GNB5: variants seen among roughly 807,000 people sequenced by gnomAD.
The protein encoded by GNB5 is guanine nucleotide-binding protein subunit beta-5.
Under a neutral mutation model 55.3 loss-of-function variants are expected in GNB5, and 37 were observed. The ratio of observed to expected loss-of-function variants is 0.67; its 90% CI spans 0.51 to 0.88. GNB5 has a LOEUF of 0.88. Ranked by LOEUF, GNB5 falls within the 40% of genes least tolerant of loss-of-function variation. GNB5 has a pLI of 0.00. For synonymous variants in GNB5, 219 were observed against 198.5 expected (o/e 1.10, Z -0.87); for missense variants, 476 against 515.3 (o/e 0.92, Z 0.74).
At chr15:52,185,612 G>A (rs7164508) in intron 1 of GNB5, among the ~76,000 whole-genome samples, 20,083 of 152,044 alleles carry the variant, frequency 0.13, 1,683 homozygotes, top group Admixed American at 0.25. Flanking sequence ...CAGACAAGAC[G>A]CGAGGAAGTC....
chr15:52,147,162 T>C, intron 6 of GNB5: 1 of 250,430 alleles, frequency 4.0e-6, no homozygotes, highest in Non-Finnish European at 7.7e-6. Flanking sequence ...AGTTTTATGG[T>C]TTTGTTTTTT....
At chr15:52,131,874 G>A (rs115089061) in intron 9 of GNB5, among the ~76,000 whole-genome samples, 2,397 of 152,252 alleles carry the variant, frequency 0.016, 42 homozygotes, top group African/African-American at 0.04. Context: ...GGCAAGTCCT[G>A]ACCTCTCTCT....
At chr15:52,180,011 A>G in intron 2 of GNB5, 132 bp from the exon 3 acceptor site, 1 of 1,179,190 alleles carries the variant, frequency 8.5e-7, no homozygotes, top group Non-Finnish European at 1.1e-6. Flanking sequence ...TGACGCCAGC[A>G]GCTGCGGGCC....
chr15:52,159,864 C>T (rs147774222), intron 3 of GNB5, among the ~76,000 whole-genome samples: 24 of 151,746 alleles, frequency 1.6e-4, no homozygotes, highest in African/African-American at 4.1e-4. Context: ...CGCTGGCAGG[C>T]GTGGTCATTA....
intron 6 of GNB5, among the ~76,000 whole-genome samples, chr15:52,146,009 T>G (rs897425801): frequency 2.1e-5 from 3 of 146,270 alleles, no homozygotes; most frequent in East Asian, 2.1e-4. Context: ...CAGGCTGGAG[T>G]GCAGTGGCGC....
rs546277149 is a variant in GNB5 at position 52,134,267 on chromosome 15, A to G, written c.772-798T>C. ...CTTAAGTAGTAGAATGTGGACTCTC[A>G]ATAGTCAAATAGCTTATATGATCAA... On this transcript the variant is annotated intron_variant, in intron 8 of 12. Transcript: ENST00000261837. Among the ~76,000 whole-genome samples the G allele has an allele frequency of 6.6e-5, 10 of 152,314 alleles. No individual in the cohort carries two copies. The East Asian group carries it at 1.9e-3, about 29-fold the overall frequency.
intron 9 of GNB5, among the ~76,000 whole-genome samples, chr15:52,131,893 A>T (rs1474067946): frequency 1.3e-5 from 2 of 152,200 alleles, no homozygotes; most frequent in African/African-American, 4.8e-5. Flanking sequence ...CTTGGGATCT[A>T]ATTCATGGAT....
chr15:52,133,357 A>G (rs1171112031), intron 9 of GNB5, 21 bp downstream of exon 9: 1 of 1,482,958 alleles, frequency 6.7e-7, no homozygotes, highest in African/African-American at 1.4e-5. Flanking sequence ...GAGAGGTGGC[A>G]TGAACATTCT....
intron 5 of GNB5, 147 bp downstream of exon 5, chr15:52,149,737 C>T: frequency 1.4e-6 from 1 of 718,656 alleles, no homozygotes; most frequent in South Asian, 1.5e-5. Context: ...CACGGATAGG[C>T]CTTCTTGGGG....
At chr15:52,160,003 A>C (rs2034297413) in intron 3 of GNB5, among the ~76,000 whole-genome samples, 1 of 150,498 alleles carries the variant, frequency 6.6e-6, no homozygotes, top group East Asian at 1.9e-4. Context: ...GCTGGAGTGC[A>C]ATGGTGTGAT....
intron 5 of GNB5, 111 bp downstream of exon 5, chr15:52,149,773 G>C: frequency 1.3e-6 from 1 of 798,288 alleles, no homozygotes; most frequent in Non-Finnish European, 2.2e-6. Context: ...GCAACTGCTT[G>C]CAGGGATACA....
chr15:52,137,628 G>C (rs2033755601), intron 7 of GNB5: 1 of 1,130,412 alleles, frequency 8.8e-7, no homozygotes, highest in South Asian at 2.0e-5. Flanking sequence ...GAAAGACATG[G>C]GGACAGGGCT....
intron 6 of GNB5, among the ~76,000 whole-genome samples, chr15:52,141,619 A>C (rs1350730300): frequency 6.6e-6 from 1 of 152,092 alleles, no homozygotes; most frequent in Admixed American, 6.6e-5. Context: ...CTGAAAAAAA[A>C]AATAGTATAC....
rs762278207 is a variant in GNB5 at position 52,135,758 on chromosome 15, T to C, written c.628-2A>G. 6.2e-7 allele frequency: 1 copy of C among 1,611,940 alleles called. No individual in the cohort carries two copies. Among genetic ancestry groups the C allele is most frequent in the East Asian group, 2.2e-5 (1 of 44,852 alleles). ...GCCATCGCCGCTCGCTGTCAGGATC[T>C]GCCCGCAGAAAAGGACAGGAAGTGG... is the stretch of plus-strand genomic sequence containing the variant. On this transcript the variant is annotated splice_acceptor_variant, in intron 7 of 12. Coordinates refer to ENST00000261837, the MANE Select transcript of GNB5 (RefSeq NM_016194.4). LOFTEE classifies it high-confidence loss of function.
intron 3 of GNB5, among the ~76,000 whole-genome samples, chr15:52,167,594 G>T (rs35827106): frequency 0.14 from 20,496 of 151,754 alleles, 1,746 homozygotes; most frequent in Admixed American, 0.25. Flanking sequence ...TCGCCTGAAC[G>T]CAGGAGGTAG....
intron 1 of GNB5, among the ~76,000 whole-genome samples, chr15:52,188,240 G>A (rs148328969): frequency 0.016 from 2,379 of 152,178 alleles, 36 homozygotes; most frequent in Middle Eastern, 0.024. Flanking sequence ...GCCTTAAGTC[G>A]TATCACATAG....
intron 3 of GNB5, among the ~76,000 whole-genome samples, chr15:52,161,132 C>T (rs996297653): frequency 1.3e-5 from 2 of 152,120 alleles, no homozygotes; most frequent in African/African-American, 2.4e-5. Flanking sequence ...CTCAGAGAGG[C>T]TAAGGACCTC....
rs139935111 is a variant in GNB5 at position 52,189,440 on chromosome 15, C to T, written c.-19+1882G>A. Among the ~76,000 whole-genome samples the T allele has an allele frequency of 2.8e-3, 432 of 152,098 alleles. 4 individuals are homozygous for T. Among genetic ancestry groups the T allele is most frequent in the Admixed American group, 0.017 (253 of 15,266 alleles). On this transcript the variant is annotated intron_variant, in intron 1 of 12. Coordinates refer to ENST00000261837, the MANE Select transcript of GNB5 (RefSeq NM_016194.4). ...ATCTACTATACAAAAATTAGCCAGG[C>T]GTGGTGGCAGGTGCCTGTAATCCCA...
chr15:52,122,554 C>T lies in GNB5; in HGVS notation c.*203G>A, dbSNP rs1055228236. On this transcript the variant is annotated 3_prime_UTR_variant, in exon 13 of 13. Transcript: ENST00000261837. Reference sequence around the variant, plus strand: ...AAAATACTGTACTTGAAGGTATTCTCGCAGTGCTGAAGGCTCACACTAGTG... The same window carrying T: ...AAAATACTGTACTTGAAGGTATTCTTGCAGTGCTGAAGGCTCACACTAGTG... 8 of 555,262 alleles carry T rather than the reference C, an allele frequency of 1.4e-5. No homozygotes were observed. The highest frequency in any genetic ancestry group is 5.7e-5 in the East Asian group (2 of 35,000). 34.4% of individuals were successfully genotyped at this position (555,262 alleles called of 1,614,324 possible).
Sources: allele counts gnomAD v4.1 joint callset (sites outside exome capture counted in the v4.1 genomes callset), GRCh38; gene constraint gnomAD v4.1.1; transcripts MANE v1.5; gene names NCBI Gene and HGNC (gene_info 2026-07-23, HGNC 2026-07-21).